Variants in GBF1 observed in about 807,000 individuals in gnomAD.
GBF1 encodes Golgi-specific brefeldin A-resistance guanine nucleotide exchange factor 1.
Under a neutral mutation model 210.5 loss-of-function variants are expected in GBF1, and 114 were observed. The observed-to-expected ratio is 0.54, with a 90% CI of 0.47 to 0.63. The LOEUF (loss-of-function observed/expected upper bound fraction) is 0.63, where lower values mean the gene tolerates loss of function less well. GBF1 is among the 30% of genes least tolerant of loss of function. The probability of loss-of-function intolerance (pLI) is 0.00; values close to 1 mark genes in which losing one functional copy is unlikely to be tolerated. For missense variants in GBF1, 1,851 were observed against 2,357.7 expected (o/e 0.79, Z 4.45); for synonymous variants, 850 against 889.2 (o/e 0.96, Z 0.78).
At chr10:102,347,928 TTTTA>T in intron 4 of GBF1, among the ~76,000 whole-genome samples, 1 of 152,104 alleles carries the variant, frequency 6.6e-6, no homozygotes, top group Middle Eastern at 3.4e-3. Context: ...TAGTCTGCCT[TTTTA>T]TTTTTATTTT....
chr10:102,380,004 C>T (rs1400524524), intron 36 of GBF1, 50 bp downstream of exon 36: 1 of 1,292,754 alleles, frequency 7.7e-7, no homozygotes, highest in Non-Finnish European at 1.1e-6. Context: ...CTGCCTTTTC[C>T]CGAGGAGGGA....
chr10:102,242,130 T>A (rs1196141965), upstream of GBF1, among the ~76,000 whole-genome samples: 2 of 152,220 alleles, frequency 1.3e-5, no homozygotes. Context: ...TCTCTGCTCC[T>A]CTTTCCTCAT....
chr10:102,271,849 T>C (rs1277501175), intron 3 of GBF1, among the ~76,000 whole-genome samples: 1 of 151,788 alleles, frequency 6.6e-6, no homozygotes, highest in Non-Finnish European at 1.5e-5. Flanking sequence ...CCTCCTGGGC[T>C]CAAGTGATCC....
the GBF1 span, chr10:102,231,143 T>G: frequency 6.8e-7 from 1 of 1,470,982 alleles, no homozygotes; most frequent in Non-Finnish European, 8.9e-7. Context: ...CGGGGCCGGG[T>G]CCCAGCGGCT....
chr10:102,369,754 G>A lies in GBF1; in HGVS notation c.3194G>A (p.Arg1065Gln), dbSNP rs377576744. ...CCCAATGGCAAGATCTCTCTACAGC[G>A]GGAAGAGACACCATCAAACCGGTAA... ...VDPNGKISLQ[R>Q]EETPSNRGES... Residue 1065 changes from arginine to glutamine, a missense_variant, in exon 25 of 40, where the codon CGG becomes CAG. Around this residue, in one of 3 missense-constraint regions of GBF1, gnomAD observed 967 missense variants for 1,247.7 expected, o/e 0.78. Coordinates refer to ENST00000369983, the MANE Select transcript of GBF1 (RefSeq NM_001377137.1). The A allele has an allele frequency of 1.5e-5, 25 of 1,613,950 alleles. No individual in the cohort carries two copies. Among genetic ancestry groups the A allele is most frequent in the South Asian group, 5.5e-5 (5 of 91,078 alleles).
In GBF1 at chr10:102,376,426, G is replaced by C. The variant is rs1565183505; in HGVS notation, c.4041G>C (p.Trp1347Cys). Residue 1347 changes from tryptophan (W) to cysteine (C), a missense_variant, in exon 31 of 40, where the codon TGG (tryptophan) becomes TGC (cysteine). Physicochemically the swap from Trp to Cys is radical, Grantham distance 215 (BLOSUM62 -2). Coordinates refer to ENST00000369983, the MANE Select transcript of GBF1 (RefSeq NM_001377137.1). The part of the protein sequence containing the change: ...ATDADVVNSG[W>C]LVVGKDDVDN... ...ATGCCGATGTGGTCAACAGTGGTTG[G>C]TTAGTGGTGAGTGACAATATGGGCA... 1 of 1,614,208 alleles carries C rather than the reference G, an allele frequency of 6.2e-7. No homozygotes were observed. The highest frequency in any genetic ancestry group is 8.5e-7 in the Non-Finnish European group (1 of 1,180,024).
Position 102,379,396 on chromosome 10 carries a change from G to A in GBF1, c.4607G>A (p.Arg1536His), listed in dbSNP as rs779904047. ...TGGQKIEADS[R>H]TLWAHCWCPL... Reference sequence around the variant, plus strand: ...GGCCAGAAGATTGAAGCTGATTCTCGCACCCTCTGGGCCCACTGCTGGTGC... The same window carrying A: ...GGCCAGAAGATTGAAGCTGATTCTCACACCCTCTGGGCCCACTGCTGGTGC... Residue 1536 changes from arginine to histidine, a missense_variant, in exon 34 of 40, where the codon CGC (arginine) becomes CAC (histidine). Arg to His is a conservative substitution (Grantham distance 29). Coordinates refer to ENST00000369983, the MANE Select transcript of GBF1 (RefSeq NM_001377137.1). 1.2e-5 allele frequency: 20 copies of A among 1,614,070 alleles called. No individual in the cohort carries two copies. The East Asian group carries it at 1.6e-4, about 13-fold the overall frequency.
intron 3 of GBF1, among the ~76,000 whole-genome samples, chr10:102,319,072 C>CT (rs2056132098): frequency 6.6e-6 from 1 of 152,168 alleles, no homozygotes; most frequent in African/African-American, 2.4e-5. Flanking sequence ...AATCCCAGCA[C>CT]TTTGGGAGGC....
At chr10:102,243,766 A>C (rs769092931), upstream of GBF1, among the ~76,000 whole-genome samples, 18 of 152,188 alleles carry the variant, frequency 1.2e-4, no homozygotes, top group Admixed American at 5.2e-4. Context: ...CACCGACCAG[A>C]AGCCCAATGT....
intron 33 of GBF1, among the ~76,000 whole-genome samples, 181 bp downstream of exon 33, chr10:102,377,321 T>G (rs2060563352): frequency 1.4e-5 from 1 of 69,620 alleles, no homozygotes; most frequent in African/African-American, 3.7e-5. Flanking sequence ...TTGCTTAAAT[T>G]TATTTATTTA....
intron 3 of GBF1, among the ~76,000 whole-genome samples, chr10:102,291,781 C>T (rs2076458060): frequency 6.6e-6 from 1 of 152,026 alleles, no homozygotes; most frequent in African/African-American, 2.4e-5. Context: ...CAGCATCTGT[C>T]ATTCTCCTTA....
intron 3 of GBF1, among the ~76,000 whole-genome samples, chr10:102,274,747 T>G (rs2074777556): frequency 7.6e-6 from 1 of 130,994 alleles, no homozygotes; most frequent in Non-Finnish European, 1.6e-5. Context: ...AGTCTCACTC[T>G]GTCGCCCAGG....
Position 102,370,158 on chromosome 10 carries a change from C to T in GBF1, c.3340-16C>T. ...AGCCTTTGTCAAAGACCCCCTCTCT[C>T]TTTTGCCCTCTCTAGCAATGTGACC... is the stretch of plus-strand genomic sequence containing the variant. On this transcript the variant is annotated splice_polypyrimidine_tract_variant and intron_variant, in intron 26 of 39. Transcript: ENST00000369983. 1.2e-6 allele frequency: 2 copies of T among 1,602,684 alleles called. No individual in the cohort carries two copies. Among genetic ancestry groups the T allele is most frequent in the Non-Finnish European group, 1.7e-6 (2 of 1,169,626 alleles).
intron 3 of GBF1, among the ~76,000 whole-genome samples, chr10:102,339,682 A>G (rs914864496): frequency 2.8e-4 from 42 of 152,120 alleles, no homozygotes; most frequent in African/African-American, 8.9e-4. Context: ...AAAAAGACTT[A>G]GTATATATTT....
At chr10:102,331,820 G>A (rs973440854) in intron 3 of GBF1, among the ~76,000 whole-genome samples, 2 of 149,488 alleles carry the variant, frequency 1.3e-5, no homozygotes, top group African/African-American at 4.9e-5. Flanking sequence ...TAGTAGTTGG[G>A]ACTACAGGCG....
At chr10:102,361,400 G>C (rs2059594234) in intron 13 of GBF1, among the ~76,000 whole-genome samples, 1 of 152,190 alleles carries the variant, frequency 6.6e-6, no homozygotes, top group Non-Finnish European at 1.5e-5. Flanking sequence ...CTGCAACACA[G>C]GTAGGTAAGT....
At chr10:102,278,588 G>T (rs1565050542) in intron 3 of GBF1, among the ~76,000 whole-genome samples, 1 of 152,100 alleles carries the variant, frequency 6.6e-6, no homozygotes, top group Non-Finnish European at 1.5e-5. Flanking sequence ...TTGTATTTAG[G>T]ATATCTATCA....
intron 3 of GBF1, among the ~76,000 whole-genome samples, chr10:102,302,888 G>A (rs535384044): frequency 1.3e-5 from 2 of 151,776 alleles, no homozygotes; most frequent in East Asian, 3.9e-4. Context: ...CCAAACTGTC[G>A]TTAGTGCCAA....
chr10:102,294,879 A>C (rs2076793356), intron 3 of GBF1, among the ~76,000 whole-genome samples: 1 of 152,068 alleles, frequency 6.6e-6, no homozygotes, highest in Admixed American at 6.5e-5. Context: ...GTGTAAGCAT[A>C]CTCTATGATT....
Sources: gnomAD v4.1 joint callset for allele counts (sites outside exome capture counted in the v4.1 genomes callset) on GRCh38, gnomAD v4.1.1 for gene constraint, gnomAD v4.1.1 regional missense constraint, MANE v1.5 for transcripts, NCBI Gene and HGNC (gene_info 2026-07-23, HGNC 2026-07-21) for gene names.